FAM168A: variants seen among roughly 807,000 people sequenced by gnomAD.
FAM168A encodes protein FAM168A.
FAM168A carries 3 observed loss-of-function variants against 28.5 expected under a neutral mutation model. The observed-to-expected ratio is 0.11, with a 90% CI of 0.05 to 0.27. The LOEUF (loss-of-function observed/expected upper bound fraction) is 0.27, where lower values mean the gene tolerates loss of function less well. Ranked by LOEUF, FAM168A falls within the 10% of genes least tolerant of loss-of-function variation. The probability of loss-of-function intolerance (pLI) is 1.00; values close to 1 mark genes in which losing one functional copy is unlikely to be tolerated. For missense variants in FAM168A, 222 were observed against 311.5 expected, an observed-to-expected ratio of 0.71 and a Z score of 2.16; for synonymous variants, 122 against 124.2, an observed-to-expected ratio of 0.98 and a Z score of 0.12.
intron 1 of FAM168A, among the ~76,000 whole-genome samples, chr11:73,571,277 G>A (rs968731356): frequency 1.0e-4 from 11 of 105,032 alleles, no homozygotes; most frequent in African/African-American, 2.6e-4. Flanking sequence ...CTCTTTCCAC[G>A]GTCTCCCTCT....
intron 2 of FAM168A, among the ~76,000 whole-genome samples, chr11:73,466,016 C>G (rs74369420): frequency 6.6e-6 from 1 of 151,962 alleles, no homozygotes; most frequent in African/African-American, 2.4e-5. Flanking sequence ...TAGAAGACAG[C>G]TGCTTACTGG....
intron 2 of FAM168A, among the ~76,000 whole-genome samples, chr11:73,459,494 A>G (rs1867603590): frequency 6.7e-6 from 1 of 148,434 alleles, no homozygotes; most frequent in Admixed American, 6.7e-5. Context: ...TCAAAAAAAG[A>G]AAAAAAAAAG....
chr11:73,558,762 C>G (rs1001819337), intron 1 of FAM168A, among the ~76,000 whole-genome samples: 2 of 152,026 alleles, frequency 1.3e-5, no homozygotes, highest in African/African-American at 4.8e-5. Context: ...ATACTCATTA[C>G]AATAGCTATT....
intron 2 of FAM168A, among the ~76,000 whole-genome samples, chr11:73,442,955 G>GATATAT (rs58430278): frequency 0.054 from 2,153 of 39,970 alleles, 328 homozygotes; most frequent in Non-Finnish European, 0.067. Flanking sequence ...ATATACAAAG[G>GATATAT]ATATATATAT....
At chr11:73,425,985 G>A (rs947560932) in intron 3 of FAM168A, among the ~76,000 whole-genome samples, 3 of 152,200 alleles carry the variant, frequency 2.0e-5, no homozygotes, top group African/African-American at 7.2e-5. Context: ...GCTTGGAACA[G>A]GGCAGCTGTT....
At chr11:73,485,269 C>T (rs1314297083) in intron 1 of FAM168A, among the ~76,000 whole-genome samples, 1 of 152,144 alleles carries the variant, frequency 6.6e-6, no homozygotes, top group Non-Finnish European at 1.5e-5. Flanking sequence ...CAGCAAATCC[C>T]TAAGTACTAG....
At chr11:73,445,419 C>CTCTCTCTTTTT (rs776745757) in intron 2 of FAM168A, among the ~76,000 whole-genome samples, 14 of 50,432 alleles carry the variant, frequency 2.8e-4, no homozygotes, top group African/African-American at 9.3e-4. Context: ...AAAAATGTCT[C>CTCTCTCTTTTT]TTTTTTTTTT....
intron 1 of FAM168A, among the ~76,000 whole-genome samples, chr11:73,469,782 A>G (rs1245636480): frequency 6.6e-6 from 1 of 152,220 alleles, no homozygotes; most frequent in Non-Finnish European, 1.5e-5. Flanking sequence ...CTTAAGGGAA[A>G]AAAATATTCT....
intron 1 of FAM168A, among the ~76,000 whole-genome samples, chr11:73,488,379 C>A (rs898982950): frequency 6.6e-6 from 1 of 152,074 alleles, no homozygotes; most frequent in Non-Finnish European, 1.5e-5. Context: ...GATTTGCCCA[C>A]CTCAGCCTCC....
At chr11:73,547,458 A>T (rs1302952795) in intron 1 of FAM168A, among the ~76,000 whole-genome samples, 1 of 152,152 alleles carries the variant, frequency 6.6e-6, no homozygotes, top group Non-Finnish European at 1.5e-5. Context: ...GCTTGCAGGA[A>T]GTAACAAAAG....
chr11:73,583,592 G>A (rs181768025), intron 1 of FAM168A, among the ~76,000 whole-genome samples: 60 of 152,226 alleles, frequency 3.9e-4, no homozygotes, highest in Middle Eastern at 3.4e-3. Flanking sequence ...AGGAAATCAC[G>A]GAAAACCTTC....
At chr11:73,505,579 A>G (rs1222781098) in intron 1 of FAM168A, among the ~76,000 whole-genome samples, 2 of 152,212 alleles carry the variant, frequency 1.3e-5, no homozygotes, top group African/African-American at 4.8e-5. Flanking sequence ...AGAAAAATAA[A>G]AGAAGGGCAA....
intron 1 of FAM168A, among the ~76,000 whole-genome samples, chr11:73,488,208 A>G (rs1430967743): frequency 6.7e-6 from 1 of 150,348 alleles, no homozygotes; most frequent in Non-Finnish European, 1.5e-5. Context: ...TTGGCTCACC[A>G]CAACCTCTGC....
intron 1 of FAM168A, among the ~76,000 whole-genome samples, chr11:73,502,916 T>C (rs999697200): frequency 1.5e-4 from 23 of 152,122 alleles, no homozygotes; most frequent in Admixed American, 3.3e-4. Context: ...ATTATCTCAA[T>C]AGATGCAGAA....
intron 1 of FAM168A, among the ~76,000 whole-genome samples, chr11:73,507,063 C>T (rs1167527708): frequency 6.6e-6 from 1 of 152,186 alleles, no homozygotes; most frequent in Non-Finnish European, 1.5e-5. Context: ...AACACACACA[C>T]AACAAAATCC....
At chr11:73,490,730 G>A (rs746025399) in intron 1 of FAM168A, among the ~76,000 whole-genome samples, 18 of 152,124 alleles carry the variant, frequency 1.2e-4, no homozygotes, top group Non-Finnish European at 1.9e-4. Flanking sequence ...ACCTAAAAGT[G>A]CAAACCTTTA....
chr11:73,533,688 T>C (rs1240024409), intron 1 of FAM168A, among the ~76,000 whole-genome samples: 1 of 152,206 alleles, frequency 6.6e-6, no homozygotes, highest in Non-Finnish European at 1.5e-5. Flanking sequence ...AATGTATTAC[T>C]GTAACATAAA....
At chr11:73,589,511 GA>G (rs968347287) in intron 1 of FAM168A, among the ~76,000 whole-genome samples, 19 of 134,932 alleles carry the variant, frequency 1.4e-4, no homozygotes, top group Middle Eastern at 3.9e-3. Context: ...AAAAAAAAAA[GA>G]AAAAAAAAGT....
At chr11:73,503,770 A>G (rs1241604700) in intron 1 of FAM168A, among the ~76,000 whole-genome samples, 1 of 152,212 alleles carries the variant, frequency 6.6e-6, no homozygotes, top group Admixed American at 6.5e-5. Context: ...CTACAAGGCT[A>G]CAGTAACCAA....
Sources: allele counts gnomAD v4.1 joint callset (sites outside exome capture counted in the v4.1 genomes callset), GRCh38; gene constraint gnomAD v4.1.1; transcripts MANE v1.5; gene names NCBI Gene and HGNC (gene_info 2026-07-23, HGNC 2026-07-21).